Variants in SLIT3 observed in about 807,000 individuals in gnomAD.
SLIT3 encodes the protein slit guidance ligand 3, also known as slit homolog 3 protein.
In SLIT3, 68 loss-of-function variants were observed where a neutral mutation model predicts 184.0. The ratio of observed to expected loss-of-function variants is 0.37; its 90% confidence interval spans 0.30 to 0.45. The LOEUF is 0.45. Among genes scored for constraint, SLIT3 ranks in the 20% least tolerant of loss-of-function variants. SLIT3 has a pLI of 1.00. For missense variants in SLIT3, 1,707 were observed against 2,026.0 expected, an observed-to-expected ratio of 0.84 and a Z score of 3.02; for synonymous variants, 831 against 828.6, an observed-to-expected ratio of 1.00 and a Z score of -0.05.
At chr5:168,897,400 T>C (rs754956906) in intron 4 of SLIT3, among the ~76,000 whole-genome samples, 12 of 150,602 alleles carry the variant, frequency 8.0e-5, no homozygotes, top group East Asian at 2.0e-4. Flanking sequence ...CCTTTAAAGA[T>C]AGACAGATAT....
intron 4 of SLIT3, among the ~76,000 whole-genome samples, chr5:168,968,924 C>T (rs7708885): frequency 0.5 from 75,658 of 151,994 alleles, 21,108 homozygotes; most frequent in African/African-American, 0.77. Flanking sequence ...GCACTGATGA[C>T]TTCAGAAGCA....
chr5:168,749,333 G>GC (rs2113460965), intron 19 of SLIT3, 139 bp downstream of exon 19: 1 of 936,784 alleles, frequency 1.1e-6, no homozygotes, highest in South Asian at 1.6e-5. Context: ...TAGCAGATCT[G>GC]CAGAGCTCTC....
chr5:168,880,271 C>T (rs1759902264), intron 5 of SLIT3, among the ~76,000 whole-genome samples: 3 of 152,192 alleles, frequency 2.0e-5, no homozygotes, highest in South Asian at 2.1e-4. Context: ...GTGATCTGTC[C>T]CAGGGCAAAA....
intron 20 of SLIT3, among the ~76,000 whole-genome samples, chr5:168,732,519 C>T (rs1763316911): frequency 6.6e-6 from 1 of 152,064 alleles, no homozygotes; most frequent in South Asian, 2.1e-4. Flanking sequence ...CCACAGCAAT[C>T]CTGAGCAAAA....
chr5:169,300,599 C>T lies in SLIT3; in HGVS notation c.111G>A (p.Lys37=), dbSNP rs752358968. 6.6e-7 allele frequency: 1 copy of T among 1,508,786 alleles called. No homozygotes were observed. The highest frequency in any genetic ancestry group is 1.2e-5 in the South Asian group (1 of 81,086). The allele number at this position is 1,508,786 out of a possible 1,614,324, so 93.5% of individuals were successfully genotyped here. A position where few individuals can be genotyped will look rare whatever the true frequency, so the allele number is the denominator to read the frequency against. Reference sequence around the variant, plus strand: ...CCACGCTGGCAGCGGAGCAGGTACACTTGGTGGGGCAGGCGACGGCTGGAG... The same window carrying T: ...CCACGCTGGCAGCGGAGCAGGTACATTTGGTGGGGCAGGCGACGGCTGGAG... The part of the protein sequence containing the change: ...SGPPAVACPT[K]CTCSAASVDC... Residue 37 remains lysine (K), a synonymous_variant, in exon 1 of 36, where the codon AAG becomes AAA. Transcript: ENST00000519560. The surrounding 1 kb of genome is among the most constrained non-coding windows in gnomAD (Gnocchi z 4.1).
At chr5:169,208,604 A>G (rs954364823) in intron 3 of SLIT3, among the ~76,000 whole-genome samples, 3 of 152,234 alleles carry the variant, frequency 2.0e-5, no homozygotes, top group African/African-American at 7.2e-5. Context: ...CCAATGGAAC[A>G]GAACAGAGGC....
chr5:168,951,165 A>G (rs1762640363), intron 4 of SLIT3, among the ~76,000 whole-genome samples: 2 of 152,234 alleles, frequency 1.3e-5, no homozygotes, highest in Non-Finnish European at 2.9e-5. Flanking sequence ...GGTTGCAGTG[A>G]GCCAAGATTG....
At position 168,928,828 on chromosome 5, in the gene SLIT3, G is replaced by T. The variant is rs182825152; in HGVS notation, c.414-45492C>A. Among the ~76,000 whole-genome samples, 10 of 152,308 alleles carry T rather than the reference G, an allele frequency of 6.6e-5. No homozygotes were observed. The East Asian group carries it at 1.9e-3, about 29-fold the overall frequency. ...CATGATATTTCTGGAAGGAAGCTGA[G>T]AAGTGGGCAGAATTTTATGGATAGA... On this transcript the variant is annotated intron_variant, in intron 4 of 35. Coordinates refer to ENST00000519560, the MANE Select transcript of SLIT3 (RefSeq NM_003062.4).
At chr5:168,743,226 C>T (rs973705288) in intron 20 of SLIT3, among the ~76,000 whole-genome samples, 4 of 152,060 alleles carry the variant, frequency 2.6e-5, no homozygotes, top group African/African-American at 7.2e-5. Flanking sequence ...TGCTTTATTG[C>T]ACTTTGTAGA....
intron 4 of SLIT3, among the ~76,000 whole-genome samples, chr5:169,120,922 C>G (rs377358531): frequency 4.6e-5 from 7 of 152,186 alleles, no homozygotes; most frequent in Non-Finnish European, 1.0e-4. Flanking sequence ...CAGACCCTTT[C>G]TTATAAGCCC....
chr5:168,742,240 C>T (rs1763658466), intron 20 of SLIT3, among the ~76,000 whole-genome samples: 1 of 148,546 alleles, frequency 6.7e-6, no homozygotes, highest in Admixed American at 6.7e-5. Context: ...TGGGACTCAC[C>T]TCTGGGCTCC....
chr5:169,088,938 C>A lies in SLIT3; in HGVS notation c.413+104541G>T, dbSNP rs576422522. The stretch of plus-strand genomic sequence containing the variant: ...GGGAGGCTGAGGCAGGAGAATCGCT[C>A]GTACCTGGGAGGCAGAGGTTGCAGT... On this transcript the variant is annotated intron_variant, in intron 4 of 35. Transcript: ENST00000519560. 3.5e-5 allele frequency among the ~76,000 whole-genome samples: 5 copies of A among 142,190 alleles called. No individual in the cohort carries two copies. The East Asian group carries it at 1.1e-3, about 31-fold the overall frequency. The allele number at this position is 142,190 out of a possible 152,430, so 93.3% of individuals were successfully genotyped here.
At chr5:169,041,890 A>G (rs1364847968) in intron 4 of SLIT3, among the ~76,000 whole-genome samples, 1 of 152,140 alleles carries the variant, frequency 6.6e-6, no homozygotes, top group Non-Finnish European at 1.5e-5. Flanking sequence ...CCTCTTAGGA[A>G]CCCAAGTGGA....
intron 4 of SLIT3, among the ~76,000 whole-genome samples, chr5:169,171,944 G>A (rs1450112616): frequency 6.6e-6 from 1 of 152,144 alleles, no homozygotes; most frequent in Non-Finnish European, 1.5e-5. Context: ...TGTGAAGGGT[G>A]GTGTACAAAG....
At position 169,038,498 on chromosome 5, in the gene SLIT3, A is replaced by T. The variant is rs929661428; in HGVS notation, c.413+154981T>A. On this transcript the variant is annotated intron_variant, in intron 4 of 35. Coordinates refer to ENST00000519560, the MANE Select transcript of SLIT3 (RefSeq NM_003062.4). The stretch of plus-strand genomic sequence containing the variant: ...AAGGAAGACCTATACTTAGGTTTTT[A>T]AAAAAGTGCATTAGGTAACGAGTTG... Among the ~76,000 whole-genome samples, 4 of 152,294 alleles carry T rather than the reference A, an allele frequency of 2.6e-5. No individual in the cohort carries two copies. In the East Asian group the frequency reaches 7.7e-4, roughly 29 times the overall value.
At chr5:168,930,753 G>A (rs993123573) in intron 4 of SLIT3, among the ~76,000 whole-genome samples, 2 of 151,982 alleles carry the variant, frequency 1.3e-5, no homozygotes, top group African/African-American at 4.8e-5. Flanking sequence ...CTGTGGCTCA[G>A]TTCACATGAG....
At chr5:168,915,022 T>C (rs1041619829) in intron 4 of SLIT3, among the ~76,000 whole-genome samples, 1 of 152,194 alleles carries the variant, frequency 6.6e-6, no homozygotes, top group African/African-American at 2.4e-5. Flanking sequence ...AATAATACTC[T>C]AAATGTGAAA....
intron 3 of SLIT3, among the ~76,000 whole-genome samples, chr5:169,210,364 C>T (rs542477025): frequency 2.0e-5 from 3 of 152,116 alleles, no homozygotes; most frequent in East Asian, 3.9e-4. Context: ...TACAAAAATG[C>T]GTAACTCTCT....
intron 4 of SLIT3, among the ~76,000 whole-genome samples, chr5:168,917,483 T>C (rs1761483050): frequency 6.6e-6 from 1 of 152,202 alleles, no homozygotes; most frequent in Non-Finnish European, 1.5e-5. Context: ...TGATATTCCA[T>C]GCTGAGGAAT....
Sources: gnomAD v4.1 joint callset for allele counts (sites outside exome capture counted in the v4.1 genomes callset) on GRCh38, gnomAD v4.1.1 for gene constraint, Gnocchi (gnomAD v3.1) non-coding constraint, MANE v1.5 for transcripts, NCBI Gene and HGNC (gene_info 2026-07-23, HGNC 2026-07-21) for gene names.